The following GSG1L variants were observed in gnomAD, a reference collection of about 807,000 sequenced individuals.
The protein encoded by GSG1L is germ cell-specific gene 1-like protein.
In GSG1L, 24 loss-of-function variants were observed where a neutral mutation model predicts 42.1. The ratio of observed to expected loss-of-function variants is 0.57; its 90% CI spans 0.41 to 0.80. The LOEUF is 0.80. Ranked by LOEUF, GSG1L falls within the 30% of genes least tolerant of loss-of-function variation. GSG1L has a pLI of 0.00. For synonymous variants in GSG1L, 215 were observed against 203.5 expected (o/e 1.06, Z -0.48); for missense variants, 445 against 472.2 (o/e 0.94, Z 0.53).
At chr16:28,022,937 T>C (rs1433608964) in intron 1 of GSG1L, among the ~76,000 whole-genome samples, 1 of 152,166 alleles carries the variant, frequency 6.6e-6, no homozygotes, top group Non-Finnish European at 1.5e-5. Flanking sequence ...CCCAAAGTGC[T>C]GGGATTACAG....
At chr16:28,058,761 C>G (rs1013599661) in intron 1 of GSG1L, among the ~76,000 whole-genome samples, 2 of 152,166 alleles carry the variant, frequency 1.3e-5, no homozygotes, top group African/African-American at 4.8e-5. Flanking sequence ...CAAAAACCTC[C>G]CGGTTGGGGA....
intron 2 of GSG1L, among the ~76,000 whole-genome samples, chr16:27,920,264 TC>T (rs2084508837): frequency 6.6e-6 from 1 of 152,232 alleles, no homozygotes; most frequent in Non-Finnish European, 1.5e-5. Flanking sequence ...GCCTACTGTA[TC>T]TTTGCTGACC....
At chr16:27,813,685 G>T (rs547080327) in intron 5 of GSG1L, among the ~76,000 whole-genome samples, 2 of 152,224 alleles carry the variant, frequency 1.3e-5, no homozygotes, top group East Asian at 1.9e-4. Flanking sequence ...TGCAGAATCT[G>T]CAGGGTCTTG....
chr16:27,946,662 A>C (rs1000195029), intron 2 of GSG1L, among the ~76,000 whole-genome samples: 1 of 140,260 alleles, frequency 7.1e-6, no homozygotes, highest in Non-Finnish European at 1.6e-5. Context: ...AAAGAAAAGA[A>C]AGAAAGAAAG....
chr16:27,985,785 A>G (rs2085375317), intron 1 of GSG1L, among the ~76,000 whole-genome samples: 1 of 152,130 alleles, frequency 6.6e-6, no homozygotes, highest in African/African-American at 2.4e-5. Flanking sequence ...GTGAGCCAAG[A>G]TCGCACCATT....
At chr16:27,831,799 C>T (rs1408593652) in intron 4 of GSG1L, among the ~76,000 whole-genome samples, 14 of 152,164 alleles carry the variant, frequency 9.2e-5, no homozygotes. Context: ...TTTCAAATAA[C>T]ATGTCACCCT....
intron 2 of GSG1L, among the ~76,000 whole-genome samples, chr16:27,951,868 T>G (rs913588279): frequency 4.6e-5 from 7 of 152,138 alleles, no homozygotes; most frequent in African/African-American, 1.7e-4. Context: ...CAAGAGACTA[T>G]TATAGGAACT....
chr16:27,946,451 A>G (rs1204323545), intron 2 of GSG1L, among the ~76,000 whole-genome samples: 1 of 151,524 alleles, frequency 6.6e-6, no homozygotes, highest in Non-Finnish European at 1.5e-5. Flanking sequence ...AGGCTGAGGC[A>G]AAAGAATCGC....
intron 1 of GSG1L, among the ~76,000 whole-genome samples, chr16:28,055,978 A>T (rs1031348249): frequency 6.6e-6 from 1 of 152,162 alleles, no homozygotes; most frequent in African/African-American, 2.4e-5. Flanking sequence ...CTTGGAAATA[A>T]ACCAAGAGAG....
intron 1 of GSG1L, among the ~76,000 whole-genome samples, chr16:28,032,061 A>T (rs1022696568): frequency 9.2e-5 from 14 of 152,246 alleles, no homozygotes; most frequent in Non-Finnish European, 1.9e-4. Flanking sequence ...GGGGAACTGT[A>T]TCTCTTGGGT....
chr16:27,897,330 G>C (rs78661926), intron 2 of GSG1L, among the ~76,000 whole-genome samples: 3 of 151,970 alleles, frequency 2.0e-5, no homozygotes, highest in Non-Finnish European at 4.4e-5. Context: ...ACAGGGTCTC[G>C]TGCTATCACC....
At chr16:27,794,768 G>A (rs556060507) in intron 6 of GSG1L, among the ~76,000 whole-genome samples, 153 of 152,254 alleles carry the variant, frequency 1.0e-3, no homozygotes, top group African/African-American at 3.2e-3. Flanking sequence ...CTCAGCCCAC[G>A]AGAGGCAGAT....
chr16:27,962,678 G>A (rs1047512205), intron 2 of GSG1L, among the ~76,000 whole-genome samples: 2 of 152,124 alleles, frequency 1.3e-5, no homozygotes, highest in Non-Finnish European at 2.9e-5. Context: ...TGTGGGCTCA[G>A]AGCCTCTGCT....
rs370069258 is a variant in GSG1L at position 27,794,787 on chromosome 16, G to C, written c.899-3320C>G. 1.4e-4 allele frequency among the ~76,000 whole-genome samples: 22 copies of C among 152,302 alleles called. 1 individual carries two copies. The highest frequency in any genetic ancestry group is 7.8e-4 in the Admixed American group (12 of 15,304). On this transcript the variant is annotated intron_variant, in intron 6 of 6. Transcript: ENST00000447459. ...GCCCACGAGAGGCAGATCCCAGCCT[G>C]TGTCTTCGTTCCATGATTCTGTTCC...
At chr16:28,038,291 C>T (rs2141182378) in intron 1 of GSG1L, among the ~76,000 whole-genome samples, 1 of 152,280 alleles carries the variant, frequency 6.6e-6, no homozygotes, top group East Asian at 1.9e-4. Context: ...TTTGATCCCC[C>T]CCCAAATAAC....
At chr16:27,820,333 C>T (rs1261189276) in intron 5 of GSG1L, among the ~76,000 whole-genome samples, 4 of 152,036 alleles carry the variant, frequency 2.6e-5, no homozygotes, top group South Asian at 2.1e-4. Flanking sequence ...GAGACGGCGT[C>T]GGCACACAGG....
At chr16:28,024,632 T>C (rs2085880824) in intron 1 of GSG1L, among the ~76,000 whole-genome samples, 1 of 152,216 alleles carries the variant, frequency 6.6e-6, no homozygotes, top group Non-Finnish European at 1.5e-5. Flanking sequence ...ATGTCCAGTA[T>C]GAAGTGCTCC....
intron 3 of GSG1L, among the ~76,000 whole-genome samples, chr16:27,882,091 C>T (rs2083964775): frequency 6.6e-6 from 1 of 152,162 alleles, no homozygotes. Flanking sequence ...GGGAGGGACC[C>T]AGTGGGAGGT....
At chr16:27,986,505 CAAAAAAAAA>C (rs59177321) in intron 1 of GSG1L, among the ~76,000 whole-genome samples, 20 of 137,928 alleles carry the variant, frequency 1.5e-4, no homozygotes, top group Non-Finnish European at 3.1e-5. Flanking sequence ...GACTCCGCCT[CAAAAAAAAA>C]AAAAAAAAGA....
Sources: allele counts gnomAD v4.1 joint callset (sites outside exome capture counted in the v4.1 genomes callset), GRCh38; gene constraint gnomAD v4.1.1; transcripts MANE v1.5; gene names NCBI Gene and HGNC (gene_info 2026-07-23, HGNC 2026-07-21).